Variants in ASH1L observed in about 807,000 individuals in gnomAD.
ASH1L encodes ASH1 like histone lysine methyltransferase.
ASH1L carries 23 observed loss-of-function variants against 269.0 expected under a neutral mutation model. The ratio of observed to expected loss-of-function variants is 0.09; its 90% CI spans 0.06 to 0.12. ASH1L has a LOEUF of 0.12. Among genes scored for constraint, ASH1L ranks in the 10% least tolerant of loss-of-function variants. The probability of loss-of-function intolerance (pLI) is 1.00; values close to 1 mark genes in which losing one functional copy is unlikely to be tolerated. For missense variants in ASH1L, 2,912 were observed against 3,567.8 expected, an observed-to-expected ratio of 0.82 and a Z score of 4.68; for synonymous variants, 1,187 against 1,253.5, an observed-to-expected ratio of 0.95 and a Z score of 1.12.
Position 155,438,426 on chromosome 1 carries a change from T to C in ASH1L, c.5729A>G (p.His1910Arg), listed in dbSNP as rs1404300189. The change falls in exon 5 of 28, where the codon CAT becomes CGT. Residue 1910 changes from histidine (H) to arginine (R), a missense_variant. Around this residue, in one of 13 missense-constraint regions of ASH1L, gnomAD observed 789 missense variants for 897.6 expected, o/e 0.88. Coordinates refer to ENST00000392403, the MANE Select transcript of ASH1L (RefSeq NM_018489.3). ...ACCTTTTCTCTTCAACCCCTTTTTA[T>C]GTTCTGGGTTCAGATTTACACTCTG... ...VVQSVNLNPE[H>R]KKGLKRKGWL... is the part of the protein sequence containing the mutation. 6.2e-7 allele frequency: 1 copy of C among 1,613,554 alleles called. No individual in the cohort carries two copies. The highest frequency in any genetic ancestry group is 1.7e-4 in the Middle Eastern group (1 of 6,060).
At chr1:155,439,748 TTAC>T (rs759285231) in intron 4 of ASH1L, among the ~76,000 whole-genome samples, 1 of 151,918 alleles carries the variant, frequency 6.6e-6, no homozygotes, top group Non-Finnish European at 1.5e-5. Context: ...GCTGCCTAGT[TTAC>T]TACTATTATT....
chr1:155,346,114 A>G (rs1307357797), intron 21 of ASH1L: 1 of 1,317,810 alleles, frequency 7.6e-7, no homozygotes, highest in African/African-American at 1.5e-5. Flanking sequence ...GATTACAGGC[A>G]TGAGCGACCG....
chr1:155,480,189 T>G lies in ASH1L; in HGVS notation c.2681A>C (p.Lys894Thr), dbSNP rs1665855840. Residue 894 changes from lysine (K) to threonine (T), a missense_variant, in exon 3 of 28, where the codon AAG becomes ACG. Lys to Thr is a moderately conservative substitution (Grantham distance 78). Around this residue, in one of 13 missense-constraint regions of ASH1L, gnomAD observed 715 missense variants for 721.0 expected, o/e 0.99. Coordinates refer to ENST00000392403, the MANE Select transcript of ASH1L (RefSeq NM_018489.3). ...CTTGACTGGTGACCTCATTTGCCTC[T>G]TAGGCCTGCCTCTCTTTTTTGGAAA... ...SPFPKKRGRP[K>T]RQMRSPVKMK... 1.2e-6 allele frequency: 2 copies of G among 1,614,056 alleles called. No homozygotes were observed. The highest frequency in any genetic ancestry group is 1.7e-6 in the Non-Finnish European group (2 of 1,180,020).
intron 4 of ASH1L, among the ~76,000 whole-genome samples, chr1:155,446,194 T>C (rs1412570212): frequency 6.6e-6 from 1 of 151,704 alleles, no homozygotes; most frequent in Non-Finnish European, 1.5e-5. Flanking sequence ...ACTGTACTTT[T>C]TATTATACAG....
chr1:155,448,836 T>C (rs987029654), intron 4 of ASH1L, among the ~76,000 whole-genome samples: 4 of 152,060 alleles, frequency 2.6e-5, no homozygotes, highest in Non-Finnish European at 5.9e-5. Context: ...GCTCTTCTTT[T>C]TTCAGCTTCC....
At chr1:155,356,836 C>T (rs1296044876) in intron 15 of ASH1L, among the ~76,000 whole-genome samples, 1 of 151,468 alleles carries the variant, frequency 6.6e-6, no homozygotes, top group Non-Finnish European at 1.5e-5. Flanking sequence ...TATCTGTAAT[C>T]CCAATGCCTT....
At chr1:155,499,675 C>T (rs528811289) in intron 2 of ASH1L, among the ~76,000 whole-genome samples, 3 of 151,964 alleles carry the variant, frequency 2.0e-5, no homozygotes, top group Non-Finnish European at 4.4e-5. Flanking sequence ...ATTGAGCAGC[C>T]GTATGTGAGG....
chr1:155,460,366 T>G (rs1664200207), intron 3 of ASH1L, among the ~76,000 whole-genome samples: 1 of 152,162 alleles, frequency 6.6e-6, no homozygotes, highest in Admixed American at 6.5e-5. Context: ...TCCCAGTACT[T>G]TGGGAGGCCG....
intron 4 of ASH1L, among the ~76,000 whole-genome samples, chr1:155,454,200 TAGA>T (rs1289272165): frequency 6.6e-6 from 1 of 152,188 alleles, no homozygotes; most frequent in African/African-American, 2.4e-5. Flanking sequence ...GCAAGATAAA[TAGA>T]AGTAGTAGCC....
At chr1:155,424,411 GTTTT>G (rs771747816) in intron 5 of ASH1L, among the ~76,000 whole-genome samples, 2 of 145,872 alleles carry the variant, frequency 1.4e-5, no homozygotes, top group African/African-American at 2.5e-5. Context: ...ATGTATTACA[GTTTT>G]TTTTTTTTTG....
At chr1:155,459,008 G>A (rs1191503783) in intron 4 of ASH1L, among the ~76,000 whole-genome samples, 1 of 143,532 alleles carries the variant, frequency 7.0e-6, no homozygotes, top group Non-Finnish European at 1.5e-5. Flanking sequence ...AAAATTGGAA[G>A]CATACCCTAA....
intron 1 of ASH1L, among the ~76,000 whole-genome samples, chr1:155,522,712 A>G (rs1170763107): frequency 5.6e-5 from 8 of 143,702 alleles, no homozygotes; most frequent in Admixed American, 4.3e-4. Flanking sequence ...TTTGAGATGG[A>G]GTCTCGCTCT....
intron 2 of ASH1L, among the ~76,000 whole-genome samples, chr1:155,517,886 C>T (rs1236201470): frequency 1.4e-4 from 20 of 145,018 alleles, no homozygotes; most frequent in African/African-American, 4.8e-4. Context: ...CTGCAAGCTC[C>T]GCCTCCCGGG....
In ASH1L at chr1:155,482,324, G is replaced by T; in HGVS notation, c.546C>A (p.His182Gln). 1 of 1,614,134 alleles carries T rather than the reference G, an allele frequency of 6.2e-7. No individual in the cohort carries two copies. The part of the protein sequence containing the change: ...NPLSKKLSPV[H>Q]SEMADYINAT... ...CATTAATATAATCTGCCATTTCTGA[G>T]TGTACTGGAGACAGCTTCTTAGACA... The change falls in exon 3 of 28, where the codon CAC becomes CAA. Residue 182 changes from histidine (H) to glutamine (Q), a missense_variant. Physicochemically the swap from His to Gln is conservative, Grantham distance 24 (BLOSUM62 0). This residue lies in a region of ASH1L where 277 missense variants were observed against 367.7 expected (regional missense o/e 0.75). Transcript: ENST00000392403.
intron 7 of ASH1L, among the ~76,000 whole-genome samples, chr1:155,381,193 T>C (rs1656912801): frequency 6.6e-6 from 1 of 152,240 alleles, no homozygotes; most frequent in African/African-American, 2.4e-5. Context: ...AAAATGTCTT[T>C]GTTGCTGGTT....
intron 8 of ASH1L, 120 bp downstream of exon 8, chr1:155,379,923 G>T: frequency 1.4e-6 from 1 of 700,194 alleles, no homozygotes. Context: ...ACCTTCACAG[G>T]GACACTTCTG....
intron 3 of ASH1L, among the ~76,000 whole-genome samples, chr1:155,476,975 T>C (rs1284369570): frequency 6.6e-6 from 1 of 152,190 alleles, no homozygotes; most frequent in Non-Finnish European, 1.5e-5. Context: ...TTAGAGAATA[T>C]ACTGAGGTTT....
At chr1:155,412,894 T>G (rs79996344) in intron 6 of ASH1L, among the ~76,000 whole-genome samples, 14 of 132,378 alleles carry the variant, frequency 1.1e-4, no homozygotes, top group South Asian at 2.1e-4. Context: ...TTCTGTGTGT[T>G]TTTTTTTTTT....
chr1:155,374,189 C>T (rs1218270120), intron 10 of ASH1L, among the ~76,000 whole-genome samples: 1 of 151,858 alleles, frequency 6.6e-6, no homozygotes, highest in Non-Finnish European at 1.5e-5. Context: ...ATTAGCCAGG[C>T]GTGGTGGCAA....
Sources: gnomAD v4.1 joint callset for allele counts (sites outside exome capture counted in the v4.1 genomes callset) on GRCh38, gnomAD v4.1.1 for gene constraint, gnomAD v4.1.1 regional missense constraint, MANE v1.5 for transcripts, NCBI Gene and HGNC (gene_info 2026-07-23, HGNC 2026-07-21) for gene names.